Variants in AK2 observed in about 807,000 individuals in gnomAD.
AK2 encodes adenylate kinase 2, mitochondrial.
In AK2, 15 loss-of-function variants were observed where a neutral mutation model predicts 24.6. The observed-to-expected ratio is 0.61, with a 90% CI of 0.41 to 0.94. The LOEUF (loss-of-function observed/expected upper bound fraction) is 0.94, where lower values mean the gene tolerates loss of function less well. AK2 is among the 40% of genes least tolerant of loss of function. The probability of loss-of-function intolerance (pLI) is 0.00; values close to 1 mark genes in which losing one functional copy is unlikely to be tolerated. For synonymous variants in AK2, 102 were observed against 114.0 expected (o/e 0.90, Z 0.67); for missense variants, 257 against 304.1 (o/e 0.85, Z 1.15).
At chr1:33,016,998 C>A (rs1557616425) in intron 4 of AK2, among the ~76,000 whole-genome samples, 2 of 151,574 alleles carry the variant, frequency 1.3e-5, no homozygotes, top group Admixed American at 6.6e-5. Flanking sequence ...AGCCACCGCG[C>A]CCGGTCTAGT....
chr1:33,009,273 A>G lies in AK2; in HGVS notation c.*3908T>C, dbSNP rs1389311146. 4.4e-6 allele frequency: 2 copies of G among 454,112 alleles called. No homozygotes were observed. Among genetic ancestry groups the G allele is most frequent in the Non-Finnish European group, 8.8e-6 (2 of 226,786 alleles). The allele number at this position is 454,112 out of a possible 1,614,324, so 28.1% of individuals were successfully genotyped here. On this transcript the variant is annotated 3_prime_UTR_variant, in exon 6 of 6. Coordinates refer to ENST00000672715, the MANE Select transcript of AK2 (RefSeq NM_001625.4). ...CAAAGGCAGCCCTTCCAAAAACATGAGAGCTTTAGTTTGGAGAAATTATTT... is the reference window on the plus strand; with the variant it reads ...CAAAGGCAGCCCTTCCAAAAACATGGGAGCTTTAGTTTGGAGAAATTATTT...
rs1557610308 is a variant in AK2 at position 33,012,983 on chromosome 1, TGCAC to T, written c.*194_*197del. On this transcript the variant is annotated 3_prime_UTR_variant, in exon 6 of 6. Coordinates refer to ENST00000672715, the MANE Select transcript of AK2 (RefSeq NM_001625.4). ...GTAGCAGAGTGAACACATATGTGCA[TGCAC>T]ACACACACACACACAACACACATAC... 1.3e-6 allele frequency: 2 copies of T among 1,573,904 alleles called. No individual in the cohort carries two copies. Among genetic ancestry groups the T allele is most frequent in the Non-Finnish European group, 1.7e-6 (2 of 1,164,992 alleles).
intron 4 of AK2, among the ~76,000 whole-genome samples, chr1:33,017,737 GC>G (rs1639281487): frequency 6.6e-6 from 1 of 152,144 alleles, no homozygotes; most frequent in Admixed American, 6.5e-5. Context: ...TACAATCACT[GC>G]TACCGTGAGT....
intron 1 of AK2, among the ~76,000 whole-genome samples, chr1:33,032,690 C>T (rs910297560): frequency 6.6e-6 from 1 of 152,152 alleles, no homozygotes; most frequent in Non-Finnish European, 1.5e-5. Context: ...GAGCACAGCA[C>T]CCACCACCTG....
At chr1:33,035,182 C>T (rs996751900) in intron 1 of AK2, among the ~76,000 whole-genome samples, 1 of 152,140 alleles carries the variant, frequency 6.6e-6, no homozygotes, top group African/African-American at 2.4e-5. Context: ...ATGTCAACAA[C>T]GCTGAGGATA....
intron 5 of AK2, among the ~76,000 whole-genome samples, chr1:33,014,121 A>G (rs7523652): frequency 0.016 from 2,372 of 152,204 alleles, 57 homozygotes; most frequent in African/African-American, 0.054. Context: ...TATAAAAAGA[A>G]TATTTTTCTG....
At chr1:33,014,023 T>C (rs1290695164) in intron 5 of AK2, among the ~76,000 whole-genome samples, 2 of 152,234 alleles carry the variant, frequency 1.3e-5, no homozygotes, top group African/African-American at 4.8e-5. Context: ...GTTGCCTGCA[T>C]GCTTTAAAAC....
chr1:33,018,897 C>T (rs1409814777), intron 4 of AK2, among the ~76,000 whole-genome samples: 3 of 152,150 alleles, frequency 2.0e-5, no homozygotes, highest in Non-Finnish European at 2.9e-5. Context: ...CCACAATACC[C>T]AGTGGCTCAA....
Position 33,013,784 on chromosome 1 carries a change from C to T in AK2, c.499-382G>A, listed in dbSNP as rs200934973. On this transcript the variant is annotated intron_variant, in intron 5 of 5. Coordinates refer to ENST00000672715, the MANE Select transcript of AK2 (RefSeq NM_001625.4). ...CCAGAATACATCAAAATCAAAGATA[C>T]ATTAGCAATTGTAATCTTAGTTGCT... Among the ~76,000 whole-genome samples the T allele has an allele frequency of 4.6e-5, 7 of 152,316 alleles. No individual in the cohort carries two copies. In the East Asian group the frequency reaches 1.3e-3, roughly 29 times the overall value.
At chr1:33,036,639 C>G (rs368680874) in intron 1 of AK2, 97 bp downstream of exon 1, 22 of 1,203,640 alleles carry the variant, frequency 1.8e-5, no homozygotes, top group South Asian at 3.9e-5. Flanking sequence ...CCTTAGTCCC[C>G]GGCCCGCTCC....
chr1:33,021,352 T>C lies in AK2; in HGVS notation c.425+15A>G. 6.2e-7 allele frequency: 1 copy of C among 1,611,550 alleles called. No individual in the cohort carries two copies. On this transcript the variant is annotated intron_variant, in intron 4 of 5. Transcript: ENST00000672715. ...CTCTGAGAAGCATGAAAAGGGACCT[T>C]CAAGGGACAAATACCTTCCTGTGAT...
intron 1 of AK2, among the ~76,000 whole-genome samples, chr1:33,036,376 G>A (rs1268590877): frequency 6.6e-6 from 1 of 152,108 alleles, no homozygotes; most frequent in East Asian, 1.9e-4. Flanking sequence ...CAGGTAACCT[G>A]GGCCATAAAG....
intron 4 of AK2, among the ~76,000 whole-genome samples, chr1:33,016,122 G>A (rs1639169790): frequency 6.6e-6 from 1 of 152,122 alleles, no homozygotes; most frequent in Non-Finnish European, 1.5e-5. Context: ...AGCCCCCTCT[G>A]TGGATACCAA....
chr1:33,012,194 T>C lies in AK2; in HGVS notation c.*987A>G. ...GTTTAATTCTCTGGCAACAATTCAG[T>C]TTTCAAACCCAATTCCCAAATAATT... On this transcript the variant is annotated 3_prime_UTR_variant, in exon 6 of 6. Transcript: ENST00000672715. 6.5e-7 allele frequency: 1 copy of C among 1,535,402 alleles called. No homozygotes were observed. The highest frequency in any genetic ancestry group is 8.7e-7 in the Non-Finnish European group (1 of 1,146,712).
At chr1:33,015,662 G>C (rs891866927) in intron 4 of AK2, among the ~76,000 whole-genome samples, 1 of 152,166 alleles carries the variant, frequency 6.6e-6, no homozygotes, top group Admixed American at 6.5e-5. Flanking sequence ...AGGCTGAGGG[G>C]GGCAGATCAC....
Position 33,009,135 on chromosome 1 carries a change from A to G in AK2, c.*4046T>C, listed in dbSNP as rs930441921. 2 of 452,424 alleles carry G rather than the reference A, an allele frequency of 4.4e-6. No individual in the cohort carries two copies. Among genetic ancestry groups the G allele is most frequent in the Admixed American group, 4.7e-5 (2 of 42,346 alleles). 28.0% of individuals were successfully genotyped at this position (452,424 alleles called of 1,614,324 possible). On this transcript the variant is annotated 3_prime_UTR_variant, in exon 6 of 6. Coordinates refer to ENST00000672715, the MANE Select transcript of AK2 (RefSeq NM_001625.4). ...TTCAGGGAACAGGATTTAATATGTC[A>G]GTGAAGACCCTGCCTCTCTCTGTAA... is the stretch of plus-strand genomic sequence containing the variant.
At chr1:33,027,685 T>C (rs1279568112) in intron 1 of AK2, among the ~76,000 whole-genome samples, 1 of 148,638 alleles carries the variant, frequency 6.7e-6, no homozygotes, top group African/African-American at 2.5e-5. Flanking sequence ...AGGTGGAGGT[T>C]GCAGTGAGCG....
chr1:33,016,815 C>T (rs867082403), intron 4 of AK2, among the ~76,000 whole-genome samples: 1 of 151,784 alleles, frequency 6.6e-6, no homozygotes, highest in Non-Finnish European at 1.5e-5. Context: ...AAGCAATTCT[C>T]CTGCCTCAGC....
At chr1:33,013,662 T>C (rs371588140) in intron 5 of AK2, among the ~76,000 whole-genome samples, 3 of 152,138 alleles carry the variant, frequency 2.0e-5, no homozygotes, top group Admixed American at 1.3e-4. Flanking sequence ...GAGGGGAAGA[T>C]AGGCAATGAC....
Sources: gnomAD v4.1 joint callset for allele counts (sites outside exome capture counted in the v4.1 genomes callset) on GRCh38, gnomAD v4.1.1 for gene constraint, MANE v1.5 for transcripts, NCBI Gene and HGNC (gene_info 2026-07-23, HGNC 2026-07-21) for gene names.